The following STAG2 variants were observed in gnomAD, a reference collection of about 807,000 sequenced individuals.
The protein encoded by STAG2 is cohesin subunit SA-2.
A neutral mutation model predicts 108.1 loss-of-function variants in STAG2; 14 were observed. That is an observed-to-expected ratio of 0.13 (90% CI 0.09 to 0.20). STAG2 has a LOEUF of 0.20. STAG2 is among the 10% of genes least tolerant of loss of function. The pLI is 1.00. For missense variants in STAG2, 440 were observed against 940.9 expected (o/e 0.47, Z 6.96); for synonymous variants, 307 against 302.7 (o/e 1.01, Z -0.15).
intron 19 of STAG2, among the ~76,000 whole-genome samples, chrX:124,063,509 T>C (rs1339820268): frequency 9.0e-6 from 1 of 111,111 alleles, no homozygotes; most frequent in African/African-American, 3.3e-5. Context: ...TCATTCAGGG[T>C]GGTATGGCCA....
chrX:123,986,397 A>G (rs1242745748), intron 1 of STAG2, among the ~76,000 whole-genome samples: 2 of 110,850 alleles, frequency 1.8e-5, no homozygotes, highest in Non-Finnish European at 3.8e-5. Context: ...GAAATGTCTG[A>G]TAACAAAGGT....
chrX:124,091,426 T>G (rs188711594), intron 32 of STAG2, among the ~76,000 whole-genome samples: 11 of 112,069 alleles, frequency 9.8e-5, no homozygotes, highest in African/African-American at 3.2e-4. Flanking sequence ...AGAATAAAAA[T>G]CTTACCATGT....
chrX:124,095,980 A>G (rs2059366107), intron 34 of STAG2, among the ~76,000 whole-genome samples: 1 of 109,411 alleles, frequency 9.1e-6, no homozygotes, highest in Non-Finnish European at 1.9e-5. Context: ...TTTCTTAAGT[A>G]CCTCTTATAT....
In STAG2 at chrX:124,071,226, A is replaced by G. The variant is rs745677787; in HGVS notation, c.2436A>G (p.Pro812=). 8.3e-7 allele frequency: 1 copy of G among 1,205,366 alleles called. No individual in the cohort carries two copies. Among genetic ancestry groups the G allele is most frequent in the Non-Finnish European group, 1.1e-6 (1 of 892,579 alleles). ...IMSGGRDMLE[P]LVYTPDSSLQ... ...CAGGAGGGCGTGACATGTTAGAGCCATTAGTGTATACCCCTGATTCTTCAT... is the reference window on the plus strand; with the variant it reads ...CAGGAGGGCGTGACATGTTAGAGCCGTTAGTGTATACCCCTGATTCTTCAT... The change falls in exon 25 of 35, where the codon CCA becomes CCG. Residue 812 remains proline (P), a synonymous_variant. Transcript: ENST00000371145.
At position 123,977,832 on chromosome X, in the gene STAG2, G is replaced by GTTTT. The variant is rs35569156; in HGVS notation, c.-163+16000_-163+16003dup. The stretch of plus-strand genomic sequence containing the variant: ...AACCCAGGCAATCTGGTTCCCAAGT[G>GTTTT]TTTTTTTTTTTTTTTTTTTTTTTTT... On this transcript the variant is annotated intron_variant, in intron 1 of 34. Coordinates refer to ENST00000371145, the MANE Select transcript of STAG2 (RefSeq NM_001042750.2). 6.5e-4 allele frequency among the ~76,000 whole-genome samples: 25 copies of GTTTT among 38,576 alleles called. 1 individual carries two copies. The highest frequency in any genetic ancestry group is 9.1e-4 in the Non-Finnish European group (21 of 23,034). The allele number at this position is 38,576 out of a possible 115,157, so 33.5% of individuals were successfully genotyped here. A position where few individuals can be genotyped will look rare whatever the true frequency, so the allele number is the denominator to read the frequency against.
rs2056124210 is a variant in STAG2, at chrX:124,003,036, C to T, written c.-162-18331C>T. On this transcript the variant is annotated intron_variant, in intron 1 of 34. Coordinates refer to ENST00000371145, the MANE Select transcript of STAG2 (RefSeq NM_001042750.2). The stretch of plus-strand genomic sequence containing the variant: ...AGGCTGGTGTGCAGTGGTGCGATCT[C>T]GGCTCACTGCAACTTCTACCTCCTG... 2.8e-5 allele frequency among the ~76,000 whole-genome samples: 3 copies of T among 107,839 alleles called. No individual in the cohort carries two copies. In the Admixed American group the frequency reaches 3.0e-4, roughly 11 times the overall value. 93.6% of individuals were successfully genotyped at this position (107,839 alleles called of 115,157 possible). A position where few individuals can be genotyped will look rare whatever the true frequency, so the allele number is the denominator to read the frequency against.
chrX:124,006,178 C>T (rs781119220), intron 1 of STAG2, among the ~76,000 whole-genome samples: 2 of 111,334 alleles, frequency 1.8e-5, no homozygotes, highest in South Asian at 3.8e-4. Context: ...AAACCCATAG[C>T]AGAGTTGCTT....
intron 1 of STAG2, among the ~76,000 whole-genome samples, chrX:123,995,423 A>G (rs112086049): frequency 0.013 from 1,422 of 111,947 alleles, 24 homozygotes; most frequent in African/African-American, 0.043. Context: ...GATCATTAGC[A>G]GTGGCTCACG....
At chrX:124,080,801 C>A (rs2058938044) in intron 27 of STAG2, among the ~76,000 whole-genome samples, 1 of 111,962 alleles carries the variant, frequency 8.9e-6, no homozygotes, top group African/African-American at 3.3e-5. Context: ...ATTTTGACGA[C>A]TATATAATAT....
At chrX:123,999,903 C>A (rs778011452) in intron 1 of STAG2, among the ~76,000 whole-genome samples, 18 of 109,413 alleles carry the variant, frequency 1.6e-4, no homozygotes, top group Non-Finnish European at 2.9e-4. Flanking sequence ...TGTGAGCCAC[C>A]CTGCCCGGCC....
At chrX:123,962,660 T>G (rs1430640814) in intron 1 of STAG2, among the ~76,000 whole-genome samples, 6 of 111,718 alleles carry the variant, frequency 5.4e-5, no homozygotes, top group Non-Finnish European at 9.4e-5. Context: ...GGCCATGGTG[T>G]TGGATTAAAT....
intron 33 of STAG2, among the ~76,000 whole-genome samples, chrX:124,094,999 C>T (rs1219442884): frequency 9.0e-6 from 1 of 110,634 alleles, no homozygotes; most frequent in East Asian, 2.8e-4. Context: ...ACAATCTCAG[C>T]TCACTGCAAG....
chrX:124,044,662 T>C (rs949291304), intron 7 of STAG2, among the ~76,000 whole-genome samples: 3 of 111,751 alleles, frequency 2.7e-5, no homozygotes, highest in Non-Finnish European at 3.8e-5. Flanking sequence ...ACTAGCTACA[T>C]TTCCATTTCT....
chrX:123,965,254 A>G (rs1294008030), intron 1 of STAG2, among the ~76,000 whole-genome samples: 1 of 111,996 alleles, frequency 8.9e-6, no homozygotes, highest in Non-Finnish European at 1.9e-5. Context: ...GTAGATGGTA[A>G]GGATTGTGGC....
intron 1 of STAG2, among the ~76,000 whole-genome samples, chrX:124,009,392 CAGGTAGGTAGGTAGGTAGGTAGGT>C (rs748240892): frequency 1.1e-5 from 1 of 90,524 alleles, no homozygotes; most frequent in Non-Finnish European, 2.2e-5. Context: ...GTAATCTAAC[CAGGTAGGTAGGTAGGTAGGTAGGT>C]AGGTAGGTAG....
chrX:124,039,507 C>T (rs1040745544), intron 6 of STAG2, among the ~76,000 whole-genome samples: 11 of 110,229 alleles, frequency 1.0e-4, no homozygotes, highest in Non-Finnish European at 1.3e-4. Context: ...TCCTCAATCT[C>T]CTAAACTCAG....
At chrX:123,975,435 A>G (rs2054573358) in intron 1 of STAG2, among the ~76,000 whole-genome samples, 1 of 111,986 alleles carries the variant, frequency 8.9e-6, no homozygotes, top group Non-Finnish European at 1.9e-5. Context: ...AAACTTGTCA[A>G]TGACAAATGG....
chrX:124,009,279 G>T (rs942740960), intron 1 of STAG2, among the ~76,000 whole-genome samples: 1 of 110,045 alleles, frequency 9.1e-6, no homozygotes, highest in African/African-American at 3.3e-5. Flanking sequence ...AGTCATCTTA[G>T]AGCTCAGATT....
chrX:124,046,242 G>T, intron 8 of STAG2, among the ~76,000 whole-genome samples: 1 of 112,037 alleles, frequency 8.9e-6, no homozygotes, highest in Non-Finnish European at 1.9e-5. Context: ...TTTTCTCAAA[G>T]AATTAAATCT....
Sources: allele counts gnomAD v4.1 joint callset (sites outside exome capture counted in the v4.1 genomes callset), GRCh38; gene constraint gnomAD v4.1.1; transcripts MANE v1.5; gene names NCBI Gene and HGNC (gene_info 2026-07-23, HGNC 2026-07-21).